THSD4: variants seen among roughly 807,000 people sequenced by gnomAD.
THSD4 encodes thrombospondin type 1 domain containing 4.
Under a neutral mutation model 119.0 loss-of-function variants are expected in THSD4, and 69 were observed. That is an observed-to-expected ratio of 0.58 (90% CI 0.48 to 0.71). THSD4 has a LOEUF of 0.71. Ranked by LOEUF, THSD4 falls within the 30% of genes least tolerant of loss-of-function variation. The pLI is 0.00. For synonymous variants in THSD4, 524 were observed against 540.4 expected (o/e 0.97, Z 0.42); for missense variants, 1,393 against 1,391.1 (o/e 1.00, Z -0.02).
At chr15:71,288,826 T>C (rs1401883155) in intron 6 of THSD4, among the ~76,000 whole-genome samples, 1 of 152,194 alleles carries the variant, frequency 6.6e-6, no homozygotes, top group Non-Finnish European at 1.5e-5. Context: ...GTGCAGTGTA[T>C]GGGTTCAGGC....
intron 7 of THSD4, among the ~76,000 whole-genome samples, chr15:71,583,839 G>A (rs2049604752): frequency 6.6e-6 from 1 of 152,062 alleles, no homozygotes; most frequent in Admixed American, 6.6e-5. Flanking sequence ...TTCTATCCTG[G>A]AAAAGATTCT....
intron 7 of THSD4, among the ~76,000 whole-genome samples, chr15:71,503,916 T>C (rs2048151517): frequency 6.6e-6 from 1 of 152,226 alleles, no homozygotes; most frequent in Non-Finnish European, 1.5e-5. Flanking sequence ...GGAATCTTTG[T>C]CTGTGCTGTA....
intron 7 of THSD4, among the ~76,000 whole-genome samples, chr15:71,468,851 C>G (rs1416731842): frequency 6.6e-6 from 1 of 152,224 alleles, no homozygotes; most frequent in African/African-American, 2.4e-5. Flanking sequence ...CATATGCCCT[C>G]CCTTTAAGAA....
intron 7 of THSD4, among the ~76,000 whole-genome samples, chr15:71,444,698 T>G (rs1595774645): frequency 6.6e-6 from 1 of 152,228 alleles, no homozygotes; most frequent in African/African-American, 2.4e-5. Context: ...GCTGGATGCC[T>G]TCTTCATTCC....
intron 8 of THSD4, among the ~76,000 whole-genome samples, chr15:71,682,263 AT>A (rs1482316418): frequency 6.6e-6 from 1 of 152,248 alleles, no homozygotes; most frequent in Non-Finnish European, 1.5e-5. Context: ...GCACTTACTT[AT>A]TTGTTGGATA....
chr15:71,704,157 C>CT (rs1431739277), intron 8 of THSD4, among the ~76,000 whole-genome samples: 3 of 152,192 alleles, frequency 2.0e-5, no homozygotes, highest in Non-Finnish European at 4.4e-5. Flanking sequence ...CTGAAAAACT[C>CT]TACAAAGTTT....
chr15:71,371,709 A>G (rs2046052603), intron 6 of THSD4, among the ~76,000 whole-genome samples: 4 of 152,166 alleles, frequency 2.6e-5, no homozygotes, highest in Admixed American at 2.0e-4. Flanking sequence ...GCTGCCCTTA[A>G]CATTTTTTCC....
chr15:71,524,163 G>C (rs1222999919), intron 7 of THSD4, among the ~76,000 whole-genome samples: 2 of 152,186 alleles, frequency 1.3e-5, no homozygotes, highest in Non-Finnish European at 2.9e-5. Flanking sequence ...CAGAAAGATG[G>C]AATGAAGAAA....
At chr15:71,268,921 C>G (rs897009945) in intron 6 of THSD4, among the ~76,000 whole-genome samples, 1 of 151,958 alleles carries the variant, frequency 6.6e-6, no homozygotes, top group Non-Finnish European at 1.5e-5. Context: ...AGGAAGAAGT[C>G]GAATCCCTGA....
chr15:71,663,859 T>TA (rs2051360536), intron 8 of THSD4, among the ~76,000 whole-genome samples: 1 of 152,232 alleles, frequency 6.6e-6, no homozygotes, highest in African/African-American at 2.4e-5. Flanking sequence ...GAAAACTGTA[T>TA]TTTCTGTAAA....
At chr15:71,634,748 CG>C (rs1439701604) in intron 7 of THSD4, among the ~76,000 whole-genome samples, 3 of 152,174 alleles carry the variant, frequency 2.0e-5, no homozygotes. Context: ...TGCTGCTCCA[CG>C]GTGGCAGCAA....
intron 6 of THSD4, among the ~76,000 whole-genome samples, chr15:71,383,019 A>G (rs1454460250): frequency 2.0e-5 from 3 of 152,216 alleles, no homozygotes; most frequent in Non-Finnish European, 4.4e-5. Context: ...TCCCATCCTA[A>G]CAAGGGGTTG....
chr15:71,131,614 A>C (rs1029737921), intron 1 of THSD4, among the ~76,000 whole-genome samples: 1 of 152,250 alleles, frequency 6.6e-6, no homozygotes, highest in Admixed American at 6.5e-5. Context: ...TCACAGGAGT[A>C]CATGTTAAAA....
intron 7 of THSD4, among the ~76,000 whole-genome samples, chr15:71,615,830 A>G (rs901024903): frequency 1.3e-5 from 2 of 152,286 alleles, no homozygotes; most frequent in South Asian, 4.1e-4. Flanking sequence ...ACCAACACTC[A>G]TTGTGTGCAG....
At chr15:71,493,244 G>A (rs1413207739) in intron 7 of THSD4, among the ~76,000 whole-genome samples, 2 of 152,234 alleles carry the variant, frequency 1.3e-5, no homozygotes, top group African/African-American at 4.8e-5. Context: ...CAGAGCTGGA[G>A]AAGTTAACAC....
intron 6 of THSD4, among the ~76,000 whole-genome samples, chr15:71,275,835 C>T (rs905513761): frequency 2.0e-5 from 3 of 152,138 alleles, no homozygotes; most frequent in African/African-American, 7.2e-5. Context: ...GCCTTACTGC[C>T]ACCGTGTGAG....
At chr15:71,257,372 T>C (rs1472354952) in intron 6 of THSD4, among the ~76,000 whole-genome samples, 1 of 151,972 alleles carries the variant, frequency 6.6e-6, no homozygotes, top group African/African-American at 2.4e-5. Flanking sequence ...CTGGAGAAAG[T>C]GGGCTCAGAA....
intron 1 of THSD4, among the ~76,000 whole-genome samples, chr15:71,133,391 A>G (rs1379513278): frequency 6.6e-6 from 1 of 152,190 alleles, no homozygotes; most frequent in Admixed American, 6.5e-5. Context: ...CCTGAGTTTG[A>G]ATGGAAGACC....
chr15:71,232,058 C>A (rs1270060891), intron 4 of THSD4, among the ~76,000 whole-genome samples: 1 of 152,142 alleles, frequency 6.6e-6, no homozygotes, highest in Non-Finnish European at 1.5e-5. Context: ...TCCCAGCTTG[C>A]CTTGGCTCAA....
Sources: allele counts gnomAD v4.1 joint callset (sites outside exome capture counted in the v4.1 genomes callset), GRCh38; gene constraint gnomAD v4.1.1; transcripts MANE v1.5; gene names NCBI Gene and HGNC (gene_info 2026-07-23, HGNC 2026-07-21).